Variants in FAM135B observed in about 807,000 individuals in gnomAD.
The protein encoded by FAM135B is protein FAM135B.
A neutral mutation model predicts 127.7 loss-of-function variants in FAM135B; 43 were observed. The ratio of observed to expected loss-of-function variants is 0.34; its 90% CI spans 0.26 to 0.43. The LOEUF is 0.43. Among genes scored for constraint, FAM135B ranks in the 20% least tolerant of loss-of-function variants. FAM135B has a pLI of 1.00. For synonymous variants in FAM135B, 670 were observed against 665.1 expected (o/e 1.01, Z -0.11); for missense variants, 1,558 against 1,725.6 (o/e 0.90, Z 1.72).
At chr8:138,252,101 C>A (rs1000868080) in intron 5 of FAM135B, among the ~76,000 whole-genome samples, 6 of 152,136 alleles carry the variant, frequency 3.9e-5, no homozygotes, top group African/African-American at 1.2e-4. Flanking sequence ...CCCCTGGTAC[C>A]AGAAAGAAAC....
intron 1 of FAM135B, among the ~76,000 whole-genome samples, chr8:138,473,831 AG>A: frequency 8.1e-6 from 1 of 123,418 alleles, no homozygotes; most frequent in African/African-American, 5.0e-5. Context: ...TATGAGAGAC[AG>A]AGAGAGAGAG....
chr8:138,293,007 C>T (rs1238923201), intron 3 of FAM135B, among the ~76,000 whole-genome samples: 1 of 152,098 alleles, frequency 6.6e-6, no homozygotes, highest in Admixed American at 6.6e-5. Context: ...AATTATACTA[C>T]AAGTCTATAG....
chr8:138,151,065 G>T, intron 13 of FAM135B, 129 bp downstream of exon 13: 2 of 543,322 alleles, frequency 3.7e-6, no homozygotes, highest in Non-Finnish European at 3.1e-6. Flanking sequence ...CTATAATATG[G>T]TATATTACCT....
intron 7 of FAM135B, among the ~76,000 whole-genome samples, chr8:138,208,492 A>T (rs4909403): frequency 0.7 from 106,047 of 151,802 alleles, 37,241 homozygotes; most frequent in East Asian, 0.82. Flanking sequence ...CAGCATTTTT[A>T]AAAAATATTC....
At chr8:138,199,160 C>T (rs1302762397) in intron 7 of FAM135B, among the ~76,000 whole-genome samples, 1 of 152,158 alleles carries the variant, frequency 6.6e-6, no homozygotes, top group Non-Finnish European at 1.5e-5. Context: ...GGAGTCGACA[C>T]ACGTCTGTAC....
chr8:138,470,094 A>G (rs190070562), intron 1 of FAM135B, among the ~76,000 whole-genome samples: 1 of 152,338 alleles, frequency 6.6e-6, no homozygotes, highest in Admixed American at 6.5e-5. Flanking sequence ...AGACTTAAGG[A>G]AAACTGCTTT....
chr8:138,159,190 T>C (rs1446295092), intron 12 of FAM135B, among the ~76,000 whole-genome samples: 2 of 141,392 alleles, frequency 1.4e-5, no homozygotes, highest in Non-Finnish European at 3.0e-5. Context: ...GAGAATGGCG[T>C]GAACCCGGGA....
chr8:138,453,537 C>T (rs1401603), intron 1 of FAM135B, among the ~76,000 whole-genome samples: 33 of 152,100 alleles, frequency 2.2e-4, no homozygotes, highest in Admixed American at 2.2e-3. Flanking sequence ...AAGAAGCTTT[C>T]TCTTGCAGTT....
At chr8:138,245,312 G>C (rs962146216) in intron 6 of FAM135B, among the ~76,000 whole-genome samples, 3 of 152,134 alleles carry the variant, frequency 2.0e-5, no homozygotes, top group African/African-American at 7.2e-5. Context: ...TGCTAATATG[G>C]TTTCACTGTG....
At chr8:138,492,873 C>A (rs750283202) in intron 1 of FAM135B, among the ~76,000 whole-genome samples, 2 of 152,134 alleles carry the variant, frequency 1.3e-5, no homozygotes, top group African/African-American at 4.8e-5. Context: ...TTGTTCTTGC[C>A]GATTTCCATG....
At chr8:138,163,692 T>C (rs1269025057) in intron 12 of FAM135B, among the ~76,000 whole-genome samples, 1 of 152,194 alleles carries the variant, frequency 6.6e-6, no homozygotes, top group Non-Finnish European at 1.5e-5. Flanking sequence ...TGTGAGTCCA[T>C]TAAACCTCTT....
chr8:138,248,681 AT>A (rs1467427163), intron 6 of FAM135B, among the ~76,000 whole-genome samples: 1 of 152,010 alleles, frequency 6.6e-6, no homozygotes, highest in Non-Finnish European at 1.5e-5. Context: ...TTAGCCAAGC[AT>A]GACGGCTCCT....
Position 138,132,518 on chromosome 8 carries a change from G to T in FAM135B, c.*75C>A. On this transcript the variant is annotated 3_prime_UTR_variant, in exon 20 of 20. Transcript: ENST00000395297. This position sits in a 1 kb window ranked among gnomAD's most constrained non-coding sequence, Gnocchi z 4.5. ...TGAAGCTTCATTCTGAAATGGTGAGGTCTGTAAAAGCAGGTCTCAGCTAAA... is the reference window on the plus strand; with the variant it reads ...TGAAGCTTCATTCTGAAATGGTGAGTTCTGTAAAAGCAGGTCTCAGCTAAA... The T allele has an allele frequency of 8.1e-7, 1 of 1,227,954 alleles. No individual in the cohort carries two copies. Among genetic ancestry groups the T allele is most frequent in the Non-Finnish European group, 1.2e-6 (1 of 840,816 alleles). 76.1% of individuals were successfully genotyped at this position (1,227,954 alleles called of 1,614,324 possible). A position where few individuals can be genotyped will look rare whatever the true frequency, so the allele number is the denominator to read the frequency against.
chr8:138,150,716 TA>T (rs1818067176), intron 13 of FAM135B, among the ~76,000 whole-genome samples: 4 of 152,168 alleles, frequency 2.6e-5, no homozygotes, highest in African/African-American at 9.6e-5. Flanking sequence ...GAACAAAATT[TA>T]AAGGTTCATT....
chr8:138,394,082 A>AG (rs1348205878), intron 1 of FAM135B, among the ~76,000 whole-genome samples: 1 of 152,226 alleles, frequency 6.6e-6, no homozygotes, highest in Non-Finnish European at 1.5e-5. Flanking sequence ...CCTGAGTCCC[A>AG]GGGACTGTGG....
chr8:138,293,173 A>T (rs552666056), intron 3 of FAM135B, among the ~76,000 whole-genome samples: 1 of 152,210 alleles, frequency 6.6e-6, no homozygotes, highest in Non-Finnish European at 1.5e-5. Context: ...ATAATTGATG[A>T]TGGGAAAACT....
chr8:138,221,078 A>G (rs935288166), intron 7 of FAM135B, among the ~76,000 whole-genome samples: 2 of 152,192 alleles, frequency 1.3e-5, no homozygotes, highest in Admixed American at 1.3e-4. Context: ...GGAAATTTCT[A>G]GCTGACTCTT....
chr8:138,272,548 G>T (rs532921333), intron 3 of FAM135B, among the ~76,000 whole-genome samples: 1 of 152,304 alleles, frequency 6.6e-6, no homozygotes, highest in Non-Finnish European at 1.5e-5. Context: ...TATTTAACAG[G>T]AAGCATTCTC....
chr8:138,209,700 A>G (rs1195219343), intron 7 of FAM135B, among the ~76,000 whole-genome samples: 1 of 152,050 alleles, frequency 6.6e-6, no homozygotes, highest in African/African-American at 2.4e-5. Flanking sequence ...TTTCTCTGTG[A>G]CTCTGGCTTC....
Sources: gnomAD v4.1 joint callset for allele counts (sites outside exome capture counted in the v4.1 genomes callset) on GRCh38, gnomAD v4.1.1 for gene constraint, Gnocchi (gnomAD v3.1) non-coding constraint, MANE v1.5 for transcripts, NCBI Gene and HGNC (gene_info 2026-07-23, HGNC 2026-07-21) for gene names.